Variants in TTC3 observed in about 807,000 individuals in gnomAD.
TTC3 encodes E3 ubiquitin-protein ligase TTC3.
Under a neutral mutation model 249.6 loss-of-function variants are expected in TTC3, and 180 were observed. The ratio of observed to expected loss-of-function variants is 0.72; its 90% confidence interval spans 0.64 to 0.82. TTC3 has a LOEUF of 0.82. Ranked by LOEUF, TTC3 falls within the 40% of genes least tolerant of loss-of-function variation. TTC3 has a pLI of 0.00. For synonymous variants in TTC3, 717 were observed against 805.0 expected, an observed-to-expected ratio of 0.89 and a Z score of 1.85; for missense variants, 2,061 against 2,398.4, an observed-to-expected ratio of 0.86 and a Z score of 2.94.
intron 1 of TTC3, among the ~76,000 whole-genome samples, chr21:37,079,027 CTT>C (rs963567823): frequency 6.6e-6 from 1 of 152,090 alleles, no homozygotes; most frequent in Non-Finnish European, 1.5e-5. Context: ...TATCTTGTGT[CTT>C]TTCTTCTTTA....
In TTC3 at chr21:37,085,052, A is replaced by G. The variant is rs965729797; in HGVS notation, c.-11-2195A>G. The stretch of plus-strand genomic sequence containing the variant: ...AAATAAAATATACCCCAGTGTCGTA[A>G]TTACAGTACAATTGGTGCTGTGTGT... On this transcript the variant is annotated intron_variant, in intron 1 of 45. Coordinates refer to ENST00000355666, the Ensembl canonical transcript of TTC3. 5.9e-5 allele frequency among the ~76,000 whole-genome samples: 9 copies of G among 152,200 alleles called. 1 individual carries two copies. Among genetic ancestry groups the G allele is most frequent in the Middle Eastern group, 3.4e-3 (1 of 294 alleles).
exon 7 of TTC3, chr21:37,091,355 A>G (rs1453569261): frequency 6.2e-7 from 1 of 1,611,672 alleles, no homozygotes; most frequent in South Asian, 1.1e-5. Context: ...TAACAATTCT[A>G]ACTAAATTAG....
intron 1 of TTC3, among the ~76,000 whole-genome samples, chr21:37,085,564 G>A (rs1163701457): frequency 3.9e-5 from 6 of 152,206 alleles, no homozygotes; most frequent in Non-Finnish European, 8.8e-5. Flanking sequence ...GACATGAGCC[G>A]TAATGACTCT....
In TTC3 at chr21:37,179,162, C is replaced by T. The variant is rs536758636; in HGVS notation, c.4618-3612C>T. ...ATTAGGTAGGTATGGGGATACATGCCTGTAGTTCCAGCTACTCAGGAGGCT... is the reference window on the plus strand; with the variant it reads ...ATTAGGTAGGTATGGGGATACATGCTTGTAGTTCCAGCTACTCAGGAGGCT... On this transcript the variant is annotated intron_variant, in intron 35 of 45. Coordinates refer to ENST00000355666, the Ensembl canonical transcript of TTC3. 1.7e-3 allele frequency among the ~76,000 whole-genome samples: 254 copies of T among 152,170 alleles called. 1 individual carries two copies. Among genetic ancestry groups the T allele is most frequent in the African/African-American group, 5.5e-3 (229 of 41,514 alleles).
intron 1 of TTC3, among the ~76,000 whole-genome samples, chr21:37,076,124 G>A (rs1487227491): frequency 6.6e-6 from 1 of 152,126 alleles, no homozygotes; most frequent in Non-Finnish European, 1.5e-5. Context: ...AATTTTATCA[G>A]ATATGTATAC....
chr21:37,189,853 G>A (rs571833870), intron 39 of TTC3, among the ~76,000 whole-genome samples: 1 of 151,588 alleles, frequency 6.6e-6, no homozygotes, highest in South Asian at 2.1e-4. Context: ...GGGATTACAG[G>A]AGTGAGCCAC....
intron 22 of TTC3, 126 bp downstream of exon 22, chr21:37,147,729 GGA>G: frequency 8.5e-7 from 1 of 1,170,062 alleles, no homozygotes; most frequent in Non-Finnish European, 1.2e-6. Context: ...CCCTTTCCCA[GGA>G]TTTTTTTTTT....
chr21:37,123,888 A>C (rs968088820), intron 13 of TTC3, among the ~76,000 whole-genome samples: 2 of 151,704 alleles, frequency 1.3e-5, no homozygotes, highest in African/African-American at 2.4e-5. Flanking sequence ...AGCTGGGGCC[A>C]CAGGCGGCTG....
At chr21:37,189,899 C>T (rs549728545) in intron 39 of TTC3, among the ~76,000 whole-genome samples, 19 of 92 alleles carry the variant, frequency 0.21, no homozygotes, top group Admixed American at 0.5. Flanking sequence ...TAAGATAAGG[C>T]TTGCTGGGAT....
intron 34 of TTC3, among the ~76,000 whole-genome samples, chr21:37,168,970 T>C (rs2081488922): frequency 6.6e-6 from 1 of 152,218 alleles, no homozygotes; most frequent in South Asian, 2.1e-4. Flanking sequence ...CTTCAGTTCC[T>C]TGCCTTGTGG....
chr21:37,166,336 T>C, exon 33 of TTC3: 1 of 1,614,204 alleles, frequency 6.2e-7, no homozygotes, highest in Non-Finnish European at 8.5e-7. Context: ...TTGTAGCCAA[T>C]GACAGAGCAG....
intron 27 of TTC3, among the ~76,000 whole-genome samples, chr21:37,156,428 A>G (rs1192411239): frequency 6.6e-6 from 1 of 152,232 alleles, no homozygotes; most frequent in Non-Finnish European, 1.5e-5. Context: ...TTTGGCCCAC[A>G]TTATTCAAAT....
chr21:37,188,276 G>C (rs1265272540), intron 38 of TTC3: 1 of 443,536 alleles, frequency 2.3e-6, no homozygotes, highest in East Asian at 4.2e-5. Flanking sequence ...TCTGCAAAAA[G>C]GATCATGGAA....
rs114493806 is a variant in TTC3, at chr21:37,103,254, A to C, written c.846-5138A>C. Reference sequence around the variant, plus strand: ...ATGCAGTAATGGGGAGGGGCTGGAGAAATAAAAACACTTCCCTATGTAAGA... The same window carrying C: ...ATGCAGTAATGGGGAGGGGCTGGAGCAATAAAAACACTTCCCTATGTAAGA... On this transcript the variant is annotated intron_variant, in intron 10 of 45. Transcript: ENST00000355666. Among the ~76,000 whole-genome samples, 722 of 152,302 alleles carry C rather than the reference A, an allele frequency of 4.7e-3. 4 individuals are homozygous for C. The highest frequency in any genetic ancestry group is 0.017 in the African/African-American group (694 of 41,556).
In TTC3 at chr21:37,156,847, AAC is replaced by A; in HGVS notation, c.2937_2938del (p.His979GlnfsTer9). ...CGTTGTTTAATATGGCTGCTAGAAGAACACAGAGACAAGTTCCCAGCATTGCA... is the reference window on the plus strand; with the variant it reads ...CGTTGTTTAATATGGCTGCTAGAAGAACAGAGACAAGTTCCCAGCATTGCA... On this transcript the variant is annotated frameshift_variant, in exon 28 of 46. Coordinates refer to ENST00000355666, the Ensembl canonical transcript of TTC3. LOFTEE classifies it high-confidence loss of function. 6.2e-7 allele frequency: 1 copy of A among 1,614,100 alleles called. No individual in the cohort carries two copies. The highest frequency in any genetic ancestry group is 8.5e-7 in the Non-Finnish European group (1 of 1,180,018).
intron 41 of TTC3, among the ~76,000 whole-genome samples, chr21:37,193,276 A>T (rs578199771): frequency 5.9e-5 from 9 of 151,948 alleles, no homozygotes; most frequent in Middle Eastern, 3.4e-3. Context: ...CCCTTCTCTC[A>T]TGTGCATTAG....
intron 10 of TTC3, among the ~76,000 whole-genome samples, chr21:37,102,170 T>A (rs560274517): frequency 6.6e-6 from 1 of 152,184 alleles, no homozygotes; most frequent in African/African-American, 2.4e-5. Context: ...TTAAAATGTA[T>A]GTTTATTCAG....
chr21:37,197,303 G>A (rs924353472), intron 42 of TTC3, among the ~76,000 whole-genome samples: 24 of 151,734 alleles, frequency 1.6e-4, no homozygotes, highest in African/African-American at 5.1e-4. Context: ...GGCAAAACTC[G>A]CTTGAACCTG....
chr21:37,163,042 T>C (rs926490711), intron 31 of TTC3, among the ~76,000 whole-genome samples: 5 of 152,252 alleles, frequency 3.3e-5, no homozygotes, highest in African/African-American at 4.8e-5. Context: ...TTTCAACATA[T>C]GAGTTTTGCA....
Sources: gnomAD v4.1 joint callset for allele counts (sites outside exome capture counted in the v4.1 genomes callset) on GRCh38, gnomAD v4.1.1 for gene constraint, MANE v1.5 for transcripts, NCBI Gene and HGNC (gene_info 2026-07-23, HGNC 2026-07-21) for gene names.